HIF3A: variants seen among roughly 807,000 people sequenced by gnomAD.
HIF3A encodes the protein hypoxia inducible factor 3 subunit alpha.
Under a neutral mutation model 67.2 loss-of-function variants are expected in HIF3A, and 41 were observed. That is an observed-to-expected ratio of 0.61 (90% confidence interval 0.48 to 0.79). The LOEUF is 0.79. Among genes scored for constraint, HIF3A ranks in the 30% least tolerant of loss-of-function variants. The probability of loss-of-function intolerance (pLI) is 0.00; values close to 1 mark genes in which losing one functional copy is unlikely to be tolerated. For missense variants in HIF3A, 855 were observed against 898.0 expected, an observed-to-expected ratio of 0.95 and a Z score of 0.61; for synonymous variants, 356 against 374.8, an observed-to-expected ratio of 0.95 and a Z score of 0.58.
chr19:46,304,328 C>A, intron 2 of HIF3A: 2 of 576,850 alleles, frequency 3.5e-6, no homozygotes, highest in Non-Finnish European at 6.2e-6. Flanking sequence ...CTTGTGAGGC[C>A]CCGCCCCTGG....
intron 8 of HIF3A, 144 bp downstream of exon 8, chr19:46,312,797 CAT>C (rs1969567614): frequency 1.5e-6 from 2 of 1,358,800 alleles, no homozygotes; most frequent in Non-Finnish European, 9.4e-7. Flanking sequence ...CACGTGTACA[CAT>C]ATGAGGAATG....
chr19:46,298,896 C>A (rs572140112), intron 1 of HIF3A, among the ~76,000 whole-genome samples: 11 of 152,194 alleles, frequency 7.2e-5, no homozygotes, highest in African/African-American at 2.2e-4. Flanking sequence ...ACGCCCCCCC[C>A]CAATACCCAG....
chr19:46,326,235 A>G (rs1970769707), intron 11 of HIF3A, among the ~76,000 whole-genome samples: 1 of 152,226 alleles, frequency 6.6e-6, no homozygotes, highest in Non-Finnish European at 1.5e-5. Context: ...GTGAACCTCT[A>G]CATAGACTCC....
intron 2 of HIF3A, among the ~76,000 whole-genome samples, chr19:46,304,365 C>T (rs180991812): frequency 1.3e-5 from 2 of 152,254 alleles, no homozygotes; most frequent in East Asian, 3.9e-4. Flanking sequence ...GCCCCGCCTC[C>T]TTAGGACTCA....
intron 8 of HIF3A, among the ~76,000 whole-genome samples, chr19:46,319,215 C>T (rs188388634): frequency 2.6e-5 from 4 of 152,122 alleles, no homozygotes; most frequent in Admixed American, 6.6e-5. Flanking sequence ...TATACAAGTT[C>T]GATTGTGTGT....
At position 46,314,242 on chromosome 19, in the gene HIF3A, GTGGCTCACGCCTGTAATCCCAGCACTT is replaced by G. The variant is rs1044797528; in HGVS notation, c.1025+1593_1025+1619del. 2.7e-5 allele frequency among the ~76,000 whole-genome samples: 4 copies of G among 147,824 alleles called. 1 individual carries two copies. In the Admixed American group the frequency reaches 2.9e-4, roughly 11 times the overall value. On this transcript the variant is annotated intron_variant, in intron 8 of 14. Transcript: ENST00000377670. ...TAAGAAACTGCCATGGCTGGGCACA[GTGGCTCACGCCTGTAATCCCAGCACTT>G]TGGGAAGCCAAGGAAGGAGGATGAC... is the stretch of plus-strand genomic sequence containing the variant.
intron 9 of HIF3A, among the ~76,000 whole-genome samples, 184 bp downstream of exon 9, chr19:46,320,745 A>C (rs1322614582): frequency 6.6e-6 from 1 of 152,160 alleles, no homozygotes; most frequent in Non-Finnish European, 1.5e-5. Flanking sequence ...CTCGTGCCTC[A>C]GGGCCTTTGC....
In HIF3A at chr19:46,320,439, C is replaced by T. The variant is rs759535121; in HGVS notation, c.1026-4C>T. On this transcript the variant is annotated splice_region_variant and splice_polypyrimidine_tract_variant and intron_variant, in intron 8 of 14. Transcript: ENST00000377670. ...CCCACCTCCCTTTCTGCCTTGTACC[C>T]CAGCCAGGTGGAAGAGACCGGAGTG... 9.9e-6 allele frequency: 16 copies of T among 1,612,114 alleles called. No homozygotes were observed. Among genetic ancestry groups the T allele is most frequent in the South Asian group, 4.4e-5 (4 of 91,022 alleles).
chr19:46,313,227 G>A (rs558891144), intron 8 of HIF3A: 64 of 887,442 alleles, frequency 7.2e-5, no homozygotes, highest in Middle Eastern at 5.7e-4. Context: ...CTCTGGCCTC[G>A]GCAACAGAGC....
chr19:46,299,333 C>T (rs1968132953), intron 1 of HIF3A, among the ~76,000 whole-genome samples: 1 of 152,192 alleles, frequency 6.6e-6, no homozygotes, highest in Non-Finnish European at 1.5e-5. Flanking sequence ...AGCACAGGGC[C>T]CAAAGACAGG....
At position 46,339,576 on chromosome 19, in the gene HIF3A, C is replaced by G; in HGVS notation, c.1964C>G (p.Pro655Arg). 6.2e-7 allele frequency: 1 copy of G among 1,609,622 alleles called. No individual in the cohort carries two copies. The highest frequency in any genetic ancestry group is 8.5e-7 in the Non-Finnish European group (1 of 1,177,368). The change falls in exon 15 of 15, where the codon CCC (proline) becomes CGC (arginine). Residue 655 changes from proline (P) to arginine (R), a missense_variant. This residue lies in a region of HIF3A where 199 missense variants were observed against 193.8 expected (regional missense o/e 1.03). Transcript: ENST00000377670. ...SPYSDEDTTQ[P>R]GGPFQPRAGS... Reference sequence around the variant, plus strand: ...TACTCAGACGAGGACACTACCCAGCCCGGGGGCCCCTTCCAGCCAAGGGCA... The same window carrying G: ...TACTCAGACGAGGACACTACCCAGCGCGGGGGCCCCTTCCAGCCAAGGGCA...
chr19:46,328,374 A>G (rs1970943177), intron 11 of HIF3A, among the ~76,000 whole-genome samples: 1 of 152,176 alleles, frequency 6.6e-6, no homozygotes, highest in African/African-American at 2.4e-5. Context: ...GAGGTTGAGA[A>G]TCTTCAAAAC....
intron 1 of HIF3A, among the ~76,000 whole-genome samples, chr19:46,303,381 A>G (rs1276554871): frequency 6.6e-6 from 1 of 152,068 alleles, no homozygotes; most frequent in African/African-American, 2.4e-5. Flanking sequence ...TCATCGTTAG[A>G]CTTTGAGATC....
At chr19:46,300,871 C>G (rs1320512516) in intron 1 of HIF3A, among the ~76,000 whole-genome samples, 2 of 152,164 alleles carry the variant, frequency 1.3e-5, no homozygotes, top group African/African-American at 4.8e-5. Flanking sequence ...TCCGCAGCCA[C>G]CAGCTGGCTC....
rs10416901 is a variant in HIF3A at position 46,341,634 on chromosome 19, C to T, written c.*2012C>T. Reference sequence around the variant, plus strand: ...TGATGTGTTTATCTCTTTTTTCTTCCTCTTCTTTTTTTTTTTTTTCTTTTT... The same window carrying T: ...TGATGTGTTTATCTCTTTTTTCTTCTTCTTCTTTTTTTTTTTTTTCTTTTT... On this transcript the variant is annotated 3_prime_UTR_variant, in exon 15 of 15. Coordinates refer to ENST00000377670, the MANE Select transcript of HIF3A (RefSeq NM_152795.4). 30,380 of 150,518 alleles carry T rather than the reference C, an allele frequency of 0.2. 5,093 individuals are homozygous for T. The highest frequency in any genetic ancestry group is 0.46 in the African/African-American group (18,563 of 40,750). The allele number at this position is 150,518 out of a possible 1,614,324, so 9.3% of individuals were successfully genotyped here.
At chr19:46,339,390 A>G in intron 14 of HIF3A, 135 bp from the exon 15 acceptor site, 1 of 597,038 alleles carries the variant, frequency 1.7e-6, no homozygotes, top group East Asian at 3.2e-5. Flanking sequence ...AAGTAAAATT[A>G]CTAAAAATCC....
At chr19:46,330,767 G>A (rs931146568) in intron 12 of HIF3A, among the ~76,000 whole-genome samples, 5 of 148,530 alleles carry the variant, frequency 3.4e-5, no homozygotes, top group African/African-American at 1.3e-4. Flanking sequence ...TGGATGGATG[G>A]GTGGATCAGT....
intron 1 of HIF3A, among the ~76,000 whole-genome samples, chr19:46,299,789 T>A (rs1601174842): frequency 6.9e-6 from 1 of 145,884 alleles, no homozygotes; most frequent in African/African-American, 2.5e-5. Context: ...CAGATCAAGA[T>A]GAGGAGCCAG....
chr19:46,308,985 G>A (rs1251460387), intron 5 of HIF3A, among the ~76,000 whole-genome samples, 166 bp from the exon 6 acceptor site: 1 of 151,982 alleles, frequency 6.6e-6, no homozygotes, highest in Non-Finnish European at 1.5e-5. Context: ...CTTAGGATGG[G>A]TTCCTATGGG....
Sources: gnomAD v4.1 joint callset for allele counts (sites outside exome capture counted in the v4.1 genomes callset) on GRCh38, gnomAD v4.1.1 for gene constraint, gnomAD v4.1.1 regional missense constraint, MANE v1.5 for transcripts, NCBI Gene and HGNC (gene_info 2026-07-23, HGNC 2026-07-21) for gene names.